ELAVL4: variants seen among roughly 807,000 people sequenced by gnomAD.
The protein encoded by ELAVL4 is ELAV like RNA binding protein 4.
ELAVL4 carries 1 observed loss-of-function variant against 35.6 expected under a neutral mutation model. The observed-to-expected ratio is 0.03, with a 90% CI of 0.01 to 0.13. The LOEUF (loss-of-function observed/expected upper bound fraction) is 0.13, where lower values mean the gene tolerates loss of function less well. ELAVL4 is among the 10% of genes least tolerant of loss of function. ELAVL4 has a pLI of 1.00. For missense variants in ELAVL4, 267 were observed against 464.9 expected (o/e 0.57, Z 3.91); for synonymous variants, 156 against 171.0 (o/e 0.91, Z 0.69).
chr1:50,153,033 C>A (rs1675068500), intron 2 of ELAVL4, among the ~76,000 whole-genome samples: 1 of 152,178 alleles, frequency 6.6e-6, no homozygotes, highest in South Asian at 2.1e-4. Context: ...TGTGTTGCTG[C>A]AGGACCAACG....
chr1:50,116,395 G>GGT (rs139106566), intron 1 of ELAVL4, among the ~76,000 whole-genome samples: 29 of 149,536 alleles, frequency 1.9e-4, no homozygotes, highest in African/African-American at 3.0e-4. Context: ...TAAATACTGT[G>GGT]GTGTGTGTGT....
chr1:50,084,772 A>G (rs1312142503), intron 1 of ELAVL4, among the ~76,000 whole-genome samples: 2 of 152,114 alleles, frequency 1.3e-5, no homozygotes, highest in Non-Finnish European at 2.9e-5. Context: ...GTCAGCTTCA[A>G]TATATAGGTT....
At chr1:50,059,715 C>G (rs868771006) in intron 1 of ELAVL4, among the ~76,000 whole-genome samples, 2 of 151,738 alleles carry the variant, frequency 1.3e-5, no homozygotes, top group Non-Finnish European at 2.9e-5. Flanking sequence ...GCCCAGATGT[C>G]CATGAATGGA....
chr1:50,092,550 C>T (rs1665542087), intron 1 of ELAVL4, among the ~76,000 whole-genome samples: 1 of 152,206 alleles, frequency 6.6e-6, no homozygotes, highest in Non-Finnish European at 1.5e-5. Context: ...TGACTTTAGG[C>T]AGTGGTTTGG....
upstream of ELAVL4, among the ~76,000 whole-genome samples, chr1:50,104,169 C>A (rs1280951443): frequency 2.0e-5 from 3 of 152,092 alleles, no homozygotes; most frequent in Non-Finnish European, 4.4e-5. Context: ...TCTTCTCTCT[C>A]CCCCCAGTCC....
At chr1:50,089,218 G>A (rs993261521) in intron 1 of ELAVL4, among the ~76,000 whole-genome samples, 1 of 152,178 alleles carries the variant, frequency 6.6e-6, no homozygotes, top group Non-Finnish European at 1.5e-5. Flanking sequence ...GTGTGAAAAG[G>A]GCTGTAATGT....
In ELAVL4 at chr1:50,146,154, GTT is replaced by G. The variant is rs11352967; in HGVS notation, c.250+969_250+970del. Among the ~76,000 whole-genome samples, 942 of 147,572 alleles carry G rather than the reference GTT, an allele frequency of 6.4e-3. 10 individuals carry two copies. Among genetic ancestry groups the G allele is most frequent in the African/African-American group, 0.019 (765 of 40,402 alleles). The stretch of plus-strand genomic sequence containing the variant: ...TTAATTAATCAGCAACTGTCCTAGA[GTT>G]TTTTTTTTTTTAAAAAGGAAGCTGC... On this transcript the variant is annotated intron_variant, in intron 2 of 6. Coordinates refer to ENST00000371824, the MANE Select transcript of ELAVL4 (RefSeq NM_001144774.3).
At chr1:50,074,642 G>A (rs1664681842) in intron 1 of ELAVL4, among the ~76,000 whole-genome samples, 1 of 152,182 alleles carries the variant, frequency 6.6e-6, no homozygotes, top group South Asian at 2.1e-4. Flanking sequence ...CAACAGCTGT[G>A]GGAGTTTATG....
At chr1:50,191,527 C>G (rs2148873476) in intron 3 of ELAVL4, among the ~76,000 whole-genome samples, 1 of 152,238 alleles carries the variant, frequency 6.6e-6, no homozygotes, top group African/African-American at 2.4e-5. Flanking sequence ...TTATAGGTAT[C>G]AGGCTATGTG....
chr1:50,090,317 C>T (rs1170327848), intron 1 of ELAVL4, among the ~76,000 whole-genome samples: 1 of 152,156 alleles, frequency 6.6e-6, no homozygotes, highest in East Asian at 1.9e-4. Flanking sequence ...TCTGCATTCT[C>T]ACACTACTCT....
chr1:50,074,597 T>C (rs1198507074), intron 1 of ELAVL4, among the ~76,000 whole-genome samples: 1 of 152,176 alleles, frequency 6.6e-6, no homozygotes, highest in African/African-American at 2.4e-5. Flanking sequence ...ACAGAAAAGA[T>C]AAAGTGCAAT....
At chr1:50,168,800 C>A (rs1678438077) in intron 2 of ELAVL4, among the ~76,000 whole-genome samples, 1 of 151,804 alleles carries the variant, frequency 6.6e-6, no homozygotes, top group African/African-American at 2.4e-5. Flanking sequence ...ATTTTGGGGT[C>A]TAATCATATT....
chr1:50,130,022 A>G (rs775813865), intron 1 of ELAVL4, among the ~76,000 whole-genome samples: 11 of 152,170 alleles, frequency 7.2e-5, no homozygotes, highest in Non-Finnish European at 1.5e-4. Flanking sequence ...GGCTAAACCA[A>G]GGTCAAGGCT....
At chr1:50,066,859 T>C (rs1557683883) in intron 1 of ELAVL4, among the ~76,000 whole-genome samples, 1 of 152,054 alleles carries the variant, frequency 6.6e-6, no homozygotes, top group Non-Finnish European at 1.5e-5. Flanking sequence ...ATTTTCAGAG[T>C]TTTTATTTAG....
At position 50,195,574 on chromosome 1, in the gene ELAVL4, G is replaced by T. The variant is rs763836784; in HGVS notation, c.522G>T (p.Gly174=). The change falls in exon 5 of 7, where the codon GGG becomes GGT. Residue 174 remains glycine, a synonymous_variant. Transcript: ENST00000371824. ...LVDQVTGVSR[G]VGFIRFDKRI... ...CTCTTTCCCCAGGAGTGTCCAGAGG[G>T]GTGGGATTCATCCGCTTTGATAAGA... 1 of 1,614,136 alleles carries T rather than the reference G, an allele frequency of 6.2e-7. No homozygotes were observed. The highest frequency in any genetic ancestry group is 1.1e-5 in the South Asian group (1 of 91,078).
chr1:50,138,746 A>G (rs1489807803), intron 1 of ELAVL4, among the ~76,000 whole-genome samples: 1 of 152,138 alleles, frequency 6.6e-6, no homozygotes, highest in Non-Finnish European at 1.5e-5. Flanking sequence ...GATTACAGGC[A>G]TGAGCCACCA....
chr1:50,161,796 G>A (rs1348169579), intron 2 of ELAVL4, among the ~76,000 whole-genome samples: 1 of 152,186 alleles, frequency 6.6e-6, no homozygotes, highest in Non-Finnish European at 1.5e-5. Flanking sequence ...CAGGATCGTG[G>A]CTCCCTGCAC....
chr1:50,049,601 C>T (rs1020491805), intron 1 of ELAVL4, among the ~76,000 whole-genome samples: 2 of 152,138 alleles, frequency 1.3e-5, no homozygotes, highest in Non-Finnish European at 2.9e-5. Context: ...CAATGCTGCG[C>T]GGCACCTCTC....
intron 1 of ELAVL4, among the ~76,000 whole-genome samples, chr1:50,078,543 A>G (rs1664867111): frequency 6.6e-6 from 1 of 152,130 alleles, no homozygotes; most frequent in Non-Finnish European, 1.5e-5. Flanking sequence ...ACCAGGGGAA[A>G]CTGGGACTGA....
Sources: gnomAD v4.1 joint callset for allele counts (sites outside exome capture counted in the v4.1 genomes callset) on GRCh38, gnomAD v4.1.1 for gene constraint, MANE v1.5 for transcripts, NCBI Gene and HGNC (gene_info 2026-07-23, HGNC 2026-07-21) for gene names.